The following MCTP1 variants were observed in gnomAD, a reference collection of about 807,000 sequenced individuals.
The protein encoded by MCTP1 is multiple C2 and transmembrane domain-containing protein 1.
A neutral mutation model predicts 120.6 loss-of-function variants in MCTP1; 69 were observed. The observed-to-expected ratio is 0.57, with a 90% CI of 0.47 to 0.70. MCTP1 has a LOEUF of 0.70. Ranked by LOEUF, MCTP1 falls within the 30% of genes least tolerant of loss-of-function variation. The probability of loss-of-function intolerance (pLI) is 0.00; values close to 1 mark genes in which losing one functional copy is unlikely to be tolerated. For missense variants in MCTP1, 1,203 were observed against 1,248.8 expected (o/e 0.96, Z 0.55); for synonymous variants, 529 against 493.1 (o/e 1.07, Z -0.96).
At chr5:95,267,422 A>C (rs1037888680) in intron 1 of MCTP1, among the ~76,000 whole-genome samples, 1 of 152,214 alleles carries the variant, frequency 6.6e-6, no homozygotes, top group African/African-American at 2.4e-5. Flanking sequence ...GAGCACTGAT[A>C]ATGAGACATC....
intron 19 of MCTP1, among the ~76,000 whole-genome samples, chr5:94,771,627 C>G (rs1774101476): frequency 6.6e-6 from 1 of 152,078 alleles, no homozygotes; most frequent in Non-Finnish European, 1.5e-5. Context: ...TTTCAGTTTT[C>G]ATATTATATG....
intron 4 of MCTP1, among the ~76,000 whole-genome samples, chr5:94,942,081 G>A (rs1421641511): frequency 6.6e-6 from 1 of 151,986 alleles, no homozygotes; most frequent in African/African-American, 2.4e-5. Context: ...TTTATCTCTC[G>A]ATTCCTGGTG....
At chr5:94,894,111 A>G (rs1803334431) in intron 11 of MCTP1, among the ~76,000 whole-genome samples, 1 of 152,228 alleles carries the variant, frequency 6.6e-6, no homozygotes, top group African/African-American at 2.4e-5. Context: ...ATCGTTCCAC[A>G]TTCGATCAAA....
intron 8 of MCTP1, 87 bp downstream of exon 8, chr5:94,917,809 G>T: frequency 1.0e-6 from 1 of 965,446 alleles, no homozygotes. Flanking sequence ...TATAGGGAGT[G>T]GGTTTTCAGT....
At chr5:95,036,857 G>A (rs1214972573) in intron 1 of MCTP1, among the ~76,000 whole-genome samples, 8 of 151,870 alleles carry the variant, frequency 5.3e-5, no homozygotes, top group African/African-American at 9.7e-5. Context: ...TTCCAACCTC[G>A]CACACTCCTT....
At chr5:95,036,493 A>G (rs923240153) in intron 1 of MCTP1, among the ~76,000 whole-genome samples, 6 of 152,186 alleles carry the variant, frequency 3.9e-5, no homozygotes, top group African/African-American at 1.4e-4. Flanking sequence ...ACTTAAGCAC[A>G]TAGCTCTACT....
intron 17 of MCTP1, among the ~76,000 whole-genome samples, chr5:94,837,446 A>G (rs993913871): frequency 2.0e-5 from 3 of 152,204 alleles, no homozygotes; most frequent in African/African-American, 7.2e-5. Context: ...TCTGAGATTC[A>G]CTACTTCAGA....
chr5:94,756,528 G>A (rs1447354381), intron 19 of MCTP1, among the ~76,000 whole-genome samples: 2 of 152,196 alleles, frequency 1.3e-5, no homozygotes, highest in Admixed American at 6.5e-5. Flanking sequence ...TCAGAGGCTG[G>A]TGAATAGGCG....
chr5:94,715,589 G>T (rs1170742749), intron 19 of MCTP1, among the ~76,000 whole-genome samples: 1 of 152,092 alleles, frequency 6.6e-6, no homozygotes, highest in Admixed American at 6.6e-5. Context: ...AGCAAAGCTG[G>T]TGTGCTCCAG....
intron 5 of MCTP1, among the ~76,000 whole-genome samples, chr5:94,938,990 T>C (rs1356542783): frequency 1.3e-5 from 2 of 152,112 alleles, no homozygotes; most frequent in Non-Finnish European, 2.9e-5. Context: ...TATTATTATC[T>C]GGCAATTCTT....
intron 1 of MCTP1, among the ~76,000 whole-genome samples, chr5:95,247,517 T>C (rs1036971441): frequency 6.6e-6 from 1 of 152,196 alleles, no homozygotes; most frequent in Non-Finnish European, 1.5e-5. Flanking sequence ...TGCTTTCTCT[T>C]GTGGGCATTT....
At chr5:95,061,949 A>G (rs988981657) in intron 1 of MCTP1, among the ~76,000 whole-genome samples, 11 of 152,190 alleles carry the variant, frequency 7.2e-5, no homozygotes, top group African/African-American at 2.7e-4. Flanking sequence ...CTTTGATTAC[A>G]GGCTGACTCT....
At chr5:94,979,682 C>T (rs143692726) in intron 2 of MCTP1, 52 of 152,106 alleles carry the variant, frequency 3.4e-4, no homozygotes, top group African/African-American at 1.2e-3. Flanking sequence ...CTGTCAACCA[C>T]AGGCTTTGAG....
chr5:94,739,309 A>C (rs140524506), intron 19 of MCTP1: 362 of 152,362 alleles, frequency 2.4e-3, no homozygotes, highest in African/African-American at 8.5e-3. Flanking sequence ...TTCGATCAAC[A>C]GGGCATAGGA....
chr5:95,051,167 T>C (rs1745809786), intron 1 of MCTP1, among the ~76,000 whole-genome samples: 1 of 152,196 alleles, frequency 6.6e-6, no homozygotes, highest in Non-Finnish European at 1.5e-5. Context: ...ATACAACAAG[T>C]CAGCATTGTC....
intron 2 of MCTP1, among the ~76,000 whole-genome samples, chr5:95,007,094 C>T (rs554925992): frequency 5.6e-4 from 85 of 152,300 alleles, no homozygotes; most frequent in African/African-American, 2.0e-3. Flanking sequence ...TCCTTCTTCA[C>T]ATGGTGGCAG....
At chr5:95,114,194 G>A (rs1331920122) in intron 1 of MCTP1, among the ~76,000 whole-genome samples, 1 of 152,198 alleles carries the variant, frequency 6.6e-6, no homozygotes, top group Non-Finnish European at 1.5e-5. Context: ...GTCTTCAGGT[G>A]AGACTAAGCA....
rs185967633 is a variant in MCTP1, at chr5:95,163,885, T to C, written c.720+119971A>G. ...AATCACATTTTCTTTTAAGTCTAGC[T>C]CATTAATTATCTCATGCTTTTATTT... On this transcript the variant is annotated intron_variant, in intron 1 of 22. Coordinates refer to ENST00000515393, the MANE Select transcript of MCTP1 (RefSeq NM_024717.7). Among the ~76,000 whole-genome samples, 4 of 152,332 alleles carry C rather than the reference T, an allele frequency of 2.6e-5. No homozygotes were observed. In the East Asian group the frequency reaches 7.7e-4, roughly 29 times the overall value.
At chr5:95,071,317 T>C (rs1974960) in intron 1 of MCTP1, among the ~76,000 whole-genome samples, 137,778 of 152,174 alleles carry the variant, frequency 0.91, 62,844 homozygotes, top group Non-Finnish European at 0.97. Flanking sequence ...ATCAGAATCT[T>C]CTGGAGAATT....
Sources: gnomAD v4.1 joint callset for allele counts (sites outside exome capture counted in the v4.1 genomes callset) on GRCh38, gnomAD v4.1.1 for gene constraint, MANE v1.5 for transcripts, NCBI Gene and HGNC (gene_info 2026-07-23, HGNC 2026-07-21) for gene names.